The following PICALM variants were observed in gnomAD, a reference collection of about 807,000 sequenced individuals.
PICALM encodes the protein phosphatidylinositol binding clathrin assembly protein.
A neutral mutation model predicts 80.5 loss-of-function variants in PICALM; 40 were observed. The observed-to-expected ratio is 0.50, with a 90% CI of 0.39 to 0.65. PICALM has a LOEUF of 0.65. Ranked by LOEUF, PICALM falls within the 30% of genes least tolerant of loss-of-function variation. The pLI is 0.00. For synonymous variants in PICALM, 288 were observed against 260.3 expected (o/e 1.11, Z -1.02); for missense variants, 676 against 778.9 (o/e 0.87, Z 1.57).
At chr11:86,035,580 G>A (rs17745236) in intron 1 of PICALM, among the ~76,000 whole-genome samples, 24,733 of 152,000 alleles carry the variant, frequency 0.16, 2,571 homozygotes, top group Middle Eastern at 0.24. Context: ...CATTTTGAAC[G>A]AGAACTTCTT....
chr11:85,960,554 G>C (rs1592253429), intron 19 of PICALM: 2 of 407,500 alleles, frequency 4.9e-6, no homozygotes, highest in East Asian at 7.0e-5. Flanking sequence ...AGGAAGAGGA[G>C]GAGGAGGAGA....
chr11:86,032,710 T>C (rs76077564), intron 1 of PICALM, among the ~76,000 whole-genome samples: 4,365 of 152,162 alleles, frequency 0.029, 219 homozygotes, highest in African/African-American at 0.1. Flanking sequence ...AAAATATATA[T>C]AAAATGTAAT....
intron 1 of PICALM, among the ~76,000 whole-genome samples, chr11:86,033,939 T>C (rs1254874350): frequency 6.6e-6 from 1 of 152,040 alleles, no homozygotes; most frequent in Non-Finnish European, 1.5e-5. Context: ...TCCCAAGAGG[T>C]TGAAAAACAA....
At chr11:86,041,958 TC>T (rs2095977893) in intron 1 of PICALM, among the ~76,000 whole-genome samples, 3 of 151,936 alleles carry the variant, frequency 2.0e-5, no homozygotes, top group African/African-American at 7.3e-5. Flanking sequence ...GAGTTGTTCC[TC>T]CCCCCTCCTC....
At chr11:85,991,115 TAG>T (rs1355905474) in intron 12 of PICALM, among the ~76,000 whole-genome samples, 2 of 152,210 alleles carry the variant, frequency 1.3e-5, no homozygotes, top group Non-Finnish European at 2.9e-5. Context: ...AAAGTTATTC[TAG>T]AGTCAGATAA....
chr11:85,976,539 T>C, intron 18 of PICALM, 84 bp downstream of exon 18: 1 of 847,550 alleles, frequency 1.2e-6, no homozygotes, highest in Non-Finnish European at 2.0e-6. Flanking sequence ...AGCACTAAAT[T>C]CTTTTTTAGG....
intron 13 of PICALM, among the ~76,000 whole-genome samples, chr11:85,984,717 C>T (rs957162964): frequency 6.6e-5 from 10 of 152,104 alleles, no homozygotes; most frequent in Non-Finnish European, 1.5e-4. Context: ...TTCTTTCTTG[C>T]CTGCGTTACA....
intron 13 of PICALM, among the ~76,000 whole-genome samples, chr11:85,986,628 G>A (rs1237785470): frequency 2.7e-5 from 4 of 150,898 alleles, no homozygotes; most frequent in Admixed American, 2.6e-4. Flanking sequence ...CTGACCTCAT[G>A]ATCCACCCGC....
intron 13 of PICALM, 32 bp downstream of exon 13, chr11:85,990,218 T>C: frequency 1.4e-6 from 2 of 1,400,410 alleles, no homozygotes; most frequent in Non-Finnish European, 2.0e-6. Context: ...GTATAAACAT[T>C]GATTGGAAAA....
chr11:85,998,722 G>A (rs1292910382), intron 11 of PICALM, among the ~76,000 whole-genome samples: 1 of 152,170 alleles, frequency 6.6e-6, no homozygotes, highest in African/African-American at 2.4e-5. Context: ...AGGCTGCAGT[G>A]AGCCATGGCT....
intron 1 of PICALM, among the ~76,000 whole-genome samples, chr11:86,042,129 T>C (rs893240276): frequency 3.9e-5 from 6 of 152,174 alleles, no homozygotes; most frequent in Non-Finnish European, 5.9e-5. Flanking sequence ...CACAGATGCA[T>C]TCAGGCTCAT....
intron 1 of PICALM, among the ~76,000 whole-genome samples, chr11:86,050,297 C>T (rs1209748451): frequency 2.0e-5 from 3 of 151,250 alleles, no homozygotes; most frequent in Admixed American, 2.0e-4. Flanking sequence ...AGAAAGTTCA[C>T]CCTTTTTTGA....
At chr11:86,065,105 G>T (rs961820625) in intron 1 of PICALM, among the ~76,000 whole-genome samples, 1 of 152,008 alleles carries the variant, frequency 6.6e-6, no homozygotes, top group Non-Finnish European at 1.5e-5. Context: ...TAAGACTAAA[G>T]ATTGTAAGAT....
chr11:86,067,145 C>A (rs987614326), intron 1 of PICALM, among the ~76,000 whole-genome samples: 9 of 152,150 alleles, frequency 5.9e-5, no homozygotes, highest in Non-Finnish European at 1.2e-4. Context: ...TTCATGAGCA[C>A]AGTAACTTGG....
chr11:86,066,978 C>T (rs12288262), intron 1 of PICALM, among the ~76,000 whole-genome samples: 4,426 of 152,292 alleles, frequency 0.029, 220 homozygotes, highest in African/African-American at 0.1. Context: ...TCTCCATTCT[C>T]TAAGACAAGC....
rs1299334360 is a variant in PICALM at position 85,974,485 on chromosome 11, C to A, written c.1944+223G>T. ...CTTTGGATCTACCAACTATAAGTTA[C>A]CAAGAATTTTCTGTCTTTAGTATTT... On this transcript the variant is annotated intron_variant, in intron 19 of 19. Transcript: ENST00000393346. 3 of 650,122 alleles carry A rather than the reference C, an allele frequency of 4.6e-6. No homozygotes were observed. The African/African-American group carries it at 5.3e-5, about 12-fold the overall frequency. The allele number at this position is 650,122 out of a possible 1,614,324, so 40.3% of individuals were successfully genotyped here. A position where few individuals can be genotyped will look rare whatever the true frequency, so the allele number is the denominator to read the frequency against.
chr11:85,991,548 A>C (rs2135925737), intron 12 of PICALM, among the ~76,000 whole-genome samples: 1 of 152,268 alleles, frequency 6.6e-6, no homozygotes, highest in South Asian at 2.1e-4. Flanking sequence ...AAAAAGGAAA[A>C]AAAAAAATCA....
intron 2 of PICALM, among the ~76,000 whole-genome samples, chr11:86,028,556 A>G (rs2095690129): frequency 6.6e-6 from 1 of 152,224 alleles, no homozygotes; most frequent in Non-Finnish European, 1.5e-5. Flanking sequence ...AACTTGTCAT[A>G]CTATAGTAAG....
intron 3 of PICALM, 56 bp from the exon 4 acceptor site, chr11:86,022,525 G>T: frequency 1.1e-6 from 1 of 919,700 alleles, no homozygotes; most frequent in South Asian, 1.7e-5. Context: ...TTTTATAAAT[G>T]ACTAAAAATC....
Sources: gnomAD v4.1 joint callset for allele counts (sites outside exome capture counted in the v4.1 genomes callset) on GRCh38, gnomAD v4.1.1 for gene constraint, MANE v1.5 for transcripts, NCBI Gene and HGNC (gene_info 2026-07-23, HGNC 2026-07-21) for gene names.